ASGR1: variants seen among roughly 807,000 people sequenced by gnomAD.
ASGR1 encodes the protein C-type lectin domain family 4 member H1.
ASGR1 carries 35 observed loss-of-function variants against 33.1 expected under a neutral mutation model. That is an observed-to-expected ratio of 1.06 (90% CI 0.81 to 1.40). The LOEUF (loss-of-function observed/expected upper bound fraction) is 1.40, where lower values mean the gene tolerates loss of function less well. Among genes scored for constraint, ASGR1 ranks in the 40% most tolerant of loss-of-function variants. The pLI, the probability that ASGR1 is intolerant of heterozygous loss-of-function variation, is 0.00. For synonymous variants in ASGR1, 142 were observed against 152.5 expected, an observed-to-expected ratio of 0.93 and a Z score of 0.51; for missense variants, 396 against 373.7, an observed-to-expected ratio of 1.06 and a Z score of -0.49.
chr17:7,174,508 G>T, intron 5 of ASGR1, 48 bp from the exon 6 acceptor site: 1 of 1,578,088 alleles, frequency 6.3e-7, no homozygotes, highest in Non-Finnish European at 8.6e-7. Flanking sequence ...GGAAACCACG[G>T]GGAGGGAAAC....
chr17:7,176,271 TCA>T (rs2069205403), intron 5 of ASGR1, among the ~76,000 whole-genome samples: 1 of 91,876 alleles, frequency 1.1e-5, no homozygotes, highest in Non-Finnish European at 2.2e-5. Context: ...TCACACTCAC[TCA>T]CACACCCCAT....
rs1459665576 is a variant in ASGR1 at position 7,177,032 on chromosome 17, T to C, written c.232A>G (p.Ser78Gly). 6.2e-7 allele frequency: 1 copy of C among 1,612,430 alleles called. No individual in the cohort carries two copies. The highest frequency in any genetic ancestry group is 1.7e-4 in the Middle Eastern group (1 of 6,054). ...EELRGLRETF[S>G]NFTASTEAQV... The stretch of plus-strand genomic sequence containing the variant: ...GCCTCCGTGCTCGCTGTGAAGTTGC[T>C]GAACGTCTCTCTCAGGCCCCGCAGC... The change falls in exon 4 of 9, where the codon AGC becomes GGC. Residue 78 changes from serine (S) to glycine (G), a missense_variant. Ser to Gly is a moderately conservative substitution (Grantham distance 56). Coordinates refer to ENST00000269299, the MANE Select transcript of ASGR1 (RefSeq NM_001671.5).
At chr17:7,178,919 T>TAG (rs2142772236) in intron 1 of ASGR1, 1 of 178,798 alleles carries the variant, frequency 5.6e-6, no homozygotes, top group Non-Finnish European at 1.2e-5. Context: ...TGTATTTTAG[T>TAG]AGAGACGGGG....
chr17:7,174,712 A>AAC (rs377586367), intron 5 of ASGR1, among the ~76,000 whole-genome samples: 2,913 of 143,960 alleles, frequency 0.02, 46 homozygotes, highest in South Asian at 0.082. Context: ...GACAATATAC[A>AAC]ACACACACAC....
Position 7,173,744 on chromosome 17 carries a change from C to G in ASGR1, c.791G>C (p.Trp264Ser), listed in dbSNP as rs201887173. ...GGGCCTCTGGCAGACGTCGTCGTTC[C>G]AGCGGCCGTCGTCGGTGAAGTGGGC... Reference protein sequence around the residue: ...DCAHFTDDGRWNDDVCQRPYR... With the variant: ...DCAHFTDDGRSNDDVCQRPYR... Residue 264 changes from tryptophan to serine, a missense_variant, in exon 9 of 9, where the codon TGG becomes TCG. Trp to Ser is a radical substitution (Grantham distance 177). Transcript: ENST00000269299. This position sits in a 1 kb window ranked among gnomAD's most constrained non-coding sequence, Gnocchi z 4.7. 181 of 1,613,618 alleles carry G rather than the reference C, an allele frequency of 1.1e-4. No individual in the cohort carries two copies. The highest frequency in any genetic ancestry group is 1.5e-4 in the Non-Finnish European group (177 of 1,180,032).
At chr17:7,176,494 T>A in intron 5 of ASGR1, 1 of 355,510 alleles carries the variant, frequency 2.8e-6, no homozygotes. Context: ...CTCTATCTCA[T>A]TCTCACACTC....
At chr17:7,176,955 C>T (rs1486664827) in intron 4 of ASGR1, 26 bp downstream of exon 4, 1 of 1,601,076 alleles carries the variant, frequency 6.2e-7, no homozygotes, top group East Asian at 2.2e-5. Flanking sequence ...CCAGCCCCAG[C>T]CCCAGCCCCG....
rs1301985117 is a variant in ASGR1 at position 7,174,209 on chromosome 17, A to AGGCCTTCCC, written c.514_522dup (p.Gly172_Ala174dup). ...CGGCAGTAGTTGTCGGCGTCAGCCC[A>AGGCCTTCCC]GGCCTTCCCGGAGCGAGAGAACCAG... On this transcript the variant is annotated inframe_insertion, in exon 7 of 9. Coordinates refer to ENST00000269299, the MANE Select transcript of ASGR1 (RefSeq NM_001671.5). The AGGCCTTCCC allele has an allele frequency of 6.2e-7, 1 of 1,614,208 alleles. No individual in the cohort carries two copies. The highest frequency in any genetic ancestry group is 8.5e-7 in the Non-Finnish European group (1 of 1,180,030).
At chr17:7,176,224 CACACACACTCACAG>C (rs1171836013) in intron 5 of ASGR1, among the ~76,000 whole-genome samples, 2 of 128,050 alleles carry the variant, frequency 1.6e-5, no homozygotes, top group African/African-American at 7.3e-5. Context: ...CTCACAAACA[CACACACACTCACAG>C]ACACACACAC....
At chr17:7,177,114 C>G in intron 3 of ASGR1, 38 bp from the exon 4 acceptor site, 5 of 1,613,254 alleles carry the variant, frequency 3.1e-6, no homozygotes, top group Non-Finnish European at 4.2e-6. Context: ...AAAACGGGAT[C>G]GCTGTGTCCG....
In ASGR1 at chr17:7,174,462, T is replaced by C. The variant is rs775719539; in HGVS notation, c.356-2A>G. 6.1e-5 allele frequency: 99 copies of C among 1,611,932 alleles called. No homozygotes were observed. Among genetic ancestry groups the C allele is most frequent in the Admixed American group, 8.4e-5 (5 of 59,554 alleles). On this transcript the variant is annotated splice_acceptor_variant, in intron 5 of 8. Coordinates refer to ENST00000269299, the MANE Select transcript of ASGR1 (RefSeq NM_001671.5). LOFTEE classifies it high-confidence loss of function. ...CGTGGAGCAGCAGGCTGGAGTGATC[T>C]GGGGAGACCGGGCGGAGGGGAGCGG...
At position 7,173,653 on chromosome 17, in the gene ASGR1, A is replaced by G. The variant is rs2069159941; in HGVS notation, c.*6T>C. 2 of 1,612,866 alleles carry G rather than the reference A, an allele frequency of 1.2e-6. No individual in the cohort carries two copies. Among genetic ancestry groups the G allele is most frequent in the Non-Finnish European group, 1.7e-6 (2 of 1,180,026 alleles). ...CTGCGGCAGGTCGAGGCATTGAAGA[A>G]ATAAATTAAAGGAGAGGTGGCTCCT... is the stretch of plus-strand genomic sequence containing the variant. On this transcript the variant is annotated 3_prime_UTR_variant, in exon 9 of 9. Coordinates refer to ENST00000269299, the MANE Select transcript of ASGR1 (RefSeq NM_001671.5). This position sits in a 1 kb window ranked among gnomAD's most constrained non-coding sequence, Gnocchi z 4.7.
Position 7,173,925 on chromosome 17 carries a change from C to A in ASGR1, c.701+36G>T. On this transcript the variant is annotated intron_variant, in intron 8 of 8. Coordinates refer to ENST00000269299, the MANE Select transcript of ASGR1 (RefSeq NM_001671.5). The surrounding 1 kb of genome is among the most constrained non-coding windows in gnomAD (Gnocchi z 4.7). ...AGCCCAGGGCCCCAGGGCGCGAAGGCGGCCGGACCCAGGCCGAGGGAGGGC... is the reference window on the plus strand; with the variant it reads ...AGCCCAGGGCCCCAGGGCGCGAAGGAGGCCGGACCCAGGCCGAGGGAGGGC... 1 of 1,612,936 alleles carries A rather than the reference C, an allele frequency of 6.2e-7. No individual in the cohort carries two copies. The highest frequency in any genetic ancestry group is 1.1e-5 in the South Asian group (1 of 91,048).
At position 7,177,314 on chromosome 17, in the gene ASGR1, G is replaced by A; in HGVS notation, c.83C>T (p.Pro28Leu). ...GCAGAGACGCTGCAGGAGGGGCTGG[G>A]GAGGAGGTGGCCCTGCAAGAGGAGG... ...HHQLRKGPPP[P>L]QPLLQRLCSG... is the part of the protein sequence containing the mutation. Residue 28 changes from proline (P) to leucine (L), a missense_variant, in exon 3 of 9, where the codon CCC becomes CTC. Physicochemically the swap from Pro to Leu is moderately conservative, Grantham distance 98. Transcript: ENST00000269299. The A allele has an allele frequency of 6.2e-7, 1 of 1,613,570 alleles. No homozygotes were observed. Among genetic ancestry groups the A allele is most frequent in the Non-Finnish European group, 8.5e-7 (1 of 1,179,774 alleles).
chr17:7,174,766 CACA>C (rs1480473758), intron 5 of ASGR1, among the ~76,000 whole-genome samples: 1 of 150,342 alleles, frequency 6.7e-6, no homozygotes, highest in Non-Finnish European at 1.5e-5. Context: ...ACACACAAAA[CACA>C]ACACATACAA....
In ASGR1 at chr17:7,173,631, C is replaced by T. The variant is rs1449944829; in HGVS notation, c.*28G>A. 1.2e-6 allele frequency: 2 copies of T among 1,611,262 alleles called. No homozygotes were observed. Among genetic ancestry groups the T allele is most frequent in the Non-Finnish European group, 1.7e-6 (2 of 1,179,918 alleles). On this transcript the variant is annotated 3_prime_UTR_variant, in exon 9 of 9. Coordinates refer to ENST00000269299, the MANE Select transcript of ASGR1 (RefSeq NM_001671.5). The surrounding 1 kb of genome is among the most constrained non-coding windows in gnomAD (Gnocchi z 4.7). ...GCGGATTCCCAATCCCGGACCCCTGCGGCAGGTCGAGGCATTGAAGAAATA... is the reference window on the plus strand; with the variant it reads ...GCGGATTCCCAATCCCGGACCCCTGTGGCAGGTCGAGGCATTGAAGAAATA...
chr17:7,176,945 C>G, intron 4 of ASGR1, 36 bp downstream of exon 4: 1 of 1,580,436 alleles, frequency 6.3e-7, no homozygotes, highest in Non-Finnish European at 8.6e-7. Context: ...CCCCCCAGCC[C>G]CAGCCCCAGC....
intron 6 of ASGR1, 25 bp downstream of exon 6, chr17:7,174,349 G>C: frequency 1.2e-6 from 2 of 1,613,906 alleles, no homozygotes; most frequent in Non-Finnish European, 1.7e-6. Context: ...GGGAGGCAGA[G>C]AGCGGGCCGG....
Position 7,178,249 on chromosome 17 carries a change from C to T in ASGR1, c.70+245G>A, listed in dbSNP as rs778009812. 13 of 543,118 alleles carry T rather than the reference C, an allele frequency of 2.4e-5. No individual in the cohort carries two copies. In the South Asian group the frequency reaches 2.8e-4, roughly 12 times the overall value. 33.6% of individuals were successfully genotyped at this position (543,118 alleles called of 1,614,324 possible). A position where few individuals can be genotyped will look rare whatever the true frequency, so the allele number is the denominator to read the frequency against. ...CAGCTTCCAGCTGTTCCCACACCCC[C>T]GGGTCCACCTCCGAGGGCCAGGAGG... is the stretch of plus-strand genomic sequence containing the variant. On this transcript the variant is annotated intron_variant, in intron 2 of 8. Coordinates refer to ENST00000269299, the MANE Select transcript of ASGR1 (RefSeq NM_001671.5).
Sources: allele counts gnomAD v4.1 joint callset (sites outside exome capture counted in the v4.1 genomes callset), GRCh38; gene constraint gnomAD v4.1.1; non-coding constraint Gnocchi (gnomAD v3.1); transcripts MANE v1.5; gene names NCBI Gene and HGNC (gene_info 2026-07-23, HGNC 2026-07-21).